Variants in ALKBH3 observed in about 807,000 individuals in gnomAD.
ALKBH3 encodes alpha-ketoglutarate-dependent dioxygenase alkB homolog 3.
In ALKBH3, 51 loss-of-function variants were observed where a neutral mutation model predicts 43.9. The observed-to-expected ratio is 1.16, with a 90% CI of 0.93 to 1.47. The LOEUF (loss-of-function observed/expected upper bound fraction) is 1.47, where lower values mean the gene tolerates loss of function less well. Among genes scored for constraint, ALKBH3 ranks in the 40% most tolerant of loss-of-function variants. The pLI is 0.00. For missense variants in ALKBH3, 361 were observed against 351.9 expected (o/e 1.03, Z -0.21); for synonymous variants, 102 against 115.2 (o/e 0.89, Z 0.73).
intron 8 of ALKBH3, among the ~76,000 whole-genome samples, chr11:43,903,135 A>T (rs893723084): frequency 1.3e-5 from 2 of 152,226 alleles, no homozygotes; most frequent in African/African-American, 4.8e-5. Flanking sequence ...ATGTTTACAT[A>T]AAAAGTTTGA....
chr11:43,901,503 CTG>C lies in ALKBH3; in HGVS notation c.460-10_460-9del. 2 of 1,612,664 alleles carry C rather than the reference CTG, an allele frequency of 1.2e-6. No homozygotes were observed. Among genetic ancestry groups the C allele is most frequent in the Non-Finnish European group, 1.7e-6 (2 of 1,179,776 alleles). On this transcript the variant is annotated splice_polypyrimidine_tract_variant and intron_variant, in intron 7 of 9. Coordinates refer to ENST00000302708, the MANE Select transcript of ALKBH3 (RefSeq NM_139178.4). Reference sequence around the variant, plus strand: ...GCGACTGTCTTGCCCTTTTCTTGGTCTGTGGATTGCAGTGGCACCCTGTGCTG... The same window carrying C: ...GCGACTGTCTTGCCCTTTTCTTGGTCTGGATTGCAGTGGCACCCTGTGCTG...
chr11:43,903,652 T>A (rs1951877611), intron 8 of ALKBH3, among the ~76,000 whole-genome samples: 1 of 152,122 alleles, frequency 6.6e-6, no homozygotes. Context: ...ATAATAATGG[T>A]TTTTAGTTCT....
chr11:43,892,435 A>G (rs1433966174), intron 7 of ALKBH3, among the ~76,000 whole-genome samples: 1 of 152,088 alleles, frequency 6.6e-6, no homozygotes, highest in African/African-American at 2.4e-5. Flanking sequence ...CCTGGTATGC[A>G]TTTGCTGTGG....
intron 7 of ALKBH3, among the ~76,000 whole-genome samples, chr11:43,896,994 C>G (rs1380149331): frequency 1.3e-5 from 2 of 151,740 alleles, no homozygotes; most frequent in Admixed American, 1.3e-4. Flanking sequence ...CTAGAGTGAG[C>G]ACAGTGGCTC....
chr11:43,898,291 G>A (rs1485963214), intron 7 of ALKBH3: 1 of 735,982 alleles, frequency 1.4e-6, no homozygotes, highest in East Asian at 2.5e-5. Context: ...ATGTGCATGG[G>A]ATTTTAATAT....
intron 7 of ALKBH3, among the ~76,000 whole-genome samples, chr11:43,896,012 C>A (rs1335855982): frequency 4.6e-5 from 7 of 152,146 alleles, no homozygotes; most frequent in African/African-American, 1.7e-4. Flanking sequence ...GAGCTGTAAG[C>A]TGAACTAGCT....
intron 8 of ALKBH3, chr11:43,918,743 A>G (rs1289740158): frequency 7.0e-6 from 2 of 287,092 alleles, no homozygotes; most frequent in African/African-American, 4.3e-5. Context: ...ACTAATAGCT[A>G]GCACTTACTG....
rs753971464 is a variant in ALKBH3, at chr11:43,884,042, A to G, written c.218+25A>G. The G allele has an allele frequency of 1.5e-5, 25 of 1,613,542 alleles. No individual in the cohort carries two copies. The South Asian group carries it at 2.7e-4, about 18-fold the overall frequency. ...AGTAAGTAATTTGCTGTCTTCCTGT[A>G]ATTGTTGCCCACAGTGAAATGAAGA... On this transcript the variant is annotated intron_variant, in intron 4 of 9. Coordinates refer to ENST00000302708, the MANE Select transcript of ALKBH3 (RefSeq NM_139178.4).
intron 8 of ALKBH3, chr11:43,910,387 CCTT>C (rs1951929012): frequency 6.6e-6 from 1 of 152,160 alleles, no homozygotes; most frequent in East Asian, 1.9e-4. Flanking sequence ...TTTAACCATT[CCTT>C]CTTTGGTGGG....
chr11:43,909,405 T>C (rs1951919883), intron 8 of ALKBH3: 1 of 152,230 alleles, frequency 6.6e-6, no homozygotes, highest in African/African-American at 2.4e-5. Flanking sequence ...TATGTTCTTG[T>C]ATCAGCACTA....
chr11:43,899,358 G>C, intron 7 of ALKBH3: 3 of 698,446 alleles, frequency 4.3e-6, no homozygotes, highest in Non-Finnish European at 8.1e-6. Context: ...ACCATCAGCA[G>C]CCTGCCCCAG....
chr11:43,891,366 G>A (rs1474108785), intron 6 of ALKBH3, among the ~76,000 whole-genome samples: 2 of 152,200 alleles, frequency 1.3e-5, no homozygotes, highest in Admixed American at 6.5e-5. Flanking sequence ...TAAGGTGGTT[G>A]TGTTAATACA....
intron 7 of ALKBH3, among the ~76,000 whole-genome samples, chr11:43,896,301 G>A (rs1303845573): frequency 1.5e-5 from 2 of 136,480 alleles, no homozygotes; most frequent in Non-Finnish European, 3.1e-5. Context: ...ACACACACAC[G>A]TATATATATA....
At position 43,920,173 on chromosome 11, in the gene ALKBH3, A is replaced by C; in HGVS notation, c.*163A>C. 1 of 619,604 alleles carries C rather than the reference A, an allele frequency of 1.6e-6. No homozygotes were observed. Among genetic ancestry groups the C allele is most frequent in the Non-Finnish European group, 2.8e-6 (1 of 352,808 alleles). 38.4% of individuals were successfully genotyped at this position (619,604 alleles called of 1,614,324 possible). On this transcript the variant is annotated 3_prime_UTR_variant, in exon 10 of 10. Coordinates refer to ENST00000302708, the MANE Select transcript of ALKBH3 (RefSeq NM_139178.4). ...CCTATTAAATGAAAGCCAGCAACTC[A>C]TGTTGGTAATAGGTCTACTGTGGGA...
chr11:43,911,510 C>T (rs1197575683), intron 8 of ALKBH3, among the ~76,000 whole-genome samples: 1 of 152,172 alleles, frequency 6.6e-6, no homozygotes, highest in East Asian at 1.9e-4. Flanking sequence ...GGAGTTCAGA[C>T]AACAGGCCTG....
In ALKBH3 at chr11:43,888,807, G is replaced by A. The variant is rs116339022; in HGVS notation, c.267-918G>A. Among the ~76,000 whole-genome samples the A allele has an allele frequency of 2.0e-3, 307 of 152,302 alleles. 1 individual carries two copies. The highest frequency in any genetic ancestry group is 7.1e-3 in the African/African-American group (294 of 41,570). On this transcript the variant is annotated intron_variant, in intron 5 of 9. Coordinates refer to ENST00000302708, the MANE Select transcript of ALKBH3 (RefSeq NM_139178.4). The stretch of plus-strand genomic sequence containing the variant: ...CCAAGGCAGTTTAAGAGAATCTTCC[G>A]TGGGCTTTCAGAAGGTATCTTAAGA...
intron 9 of ALKBH3, chr11:43,919,687 A>ACT (rs1952011609): frequency 2.2e-6 from 1 of 459,790 alleles, no homozygotes; most frequent in African/African-American, 2.0e-5. Context: ...AACAATTAGA[A>ACT]AAGATGAAAA....
chr11:43,890,093 A>T (rs970860694), intron 6 of ALKBH3, among the ~76,000 whole-genome samples: 1 of 152,098 alleles, frequency 6.6e-6, no homozygotes, highest in African/African-American at 2.4e-5. Flanking sequence ...TGGTTGGCTG[A>T]ACTATGGCTG....
In ALKBH3 at chr11:43,901,571, CCTTCAA is replaced by C. The variant is rs779685465; in HGVS notation, c.518_523del (p.Phe173_Asn174del). The stretch of plus-strand genomic sequence containing the variant: ...CGCATTGAAGAGAACACTGGCCACA[CCTTCAA>C]CTCCTTACTCTGCAATCTTTATCGC... On this transcript the variant is annotated inframe_deletion, in exon 8 of 10. Transcript: ENST00000302708. 6.2e-7 allele frequency: 1 copy of C among 1,614,216 alleles called. No homozygotes were observed. The highest frequency in any genetic ancestry group is 1.1e-5 in the South Asian group (1 of 91,080).
Sources: gnomAD v4.1 joint callset for allele counts (sites outside exome capture counted in the v4.1 genomes callset) on GRCh38, gnomAD v4.1.1 for gene constraint, MANE v1.5 for transcripts, NCBI Gene and HGNC (gene_info 2026-07-23, HGNC 2026-07-21) for gene names.